The following SDCCAG8 variants were observed in gnomAD, a reference collection of about 807,000 sequenced individuals.
SDCCAG8 encodes the protein SHH signaling and ciliogenesis regulator SDCCAG8.
A neutral mutation model predicts 101.8 loss-of-function variants in SDCCAG8; 74 were observed. The ratio of observed to expected loss-of-function variants is 0.73; its 90% CI spans 0.60 to 0.88. The LOEUF (loss-of-function observed/expected upper bound fraction) is 0.88, where lower values mean the gene tolerates loss of function less well. Among genes scored for constraint, SDCCAG8 ranks in the 40% least tolerant of loss-of-function variants. The pLI, the probability that SDCCAG8 is intolerant of heterozygous loss-of-function variation, is 0.00. For synonymous variants in SDCCAG8, 281 were observed against 292.9 expected (o/e 0.96, Z 0.41); for missense variants, 787 against 822.6 (o/e 0.96, Z 0.53).
intron 16 of SDCCAG8, among the ~76,000 whole-genome samples, chr1:243,485,986 G>A (rs187394384): frequency 7.2e-5 from 11 of 151,968 alleles, no homozygotes; most frequent in African/African-American, 2.2e-4. Context: ...ATCACTTGAG[G>A]TCAGGAGTTT....
intron 12 of SDCCAG8, among the ~76,000 whole-genome samples, chr1:243,371,332 C>T (rs1044909885): frequency 1.3e-5 from 2 of 152,054 alleles, no homozygotes; most frequent in African/African-American, 4.8e-5. Flanking sequence ...AGACTAACTC[C>T]GTTTTGAATC....
chr1:243,260,667 C>G (rs998602050), intron 1 of SDCCAG8, among the ~76,000 whole-genome samples: 3 of 152,194 alleles, frequency 2.0e-5, no homozygotes, highest in Non-Finnish European at 4.4e-5. Flanking sequence ...TTATCAACAA[C>G]ACCTGTATAC....
chr1:243,287,504 A>G (rs2069747516), intron 5 of SDCCAG8, among the ~76,000 whole-genome samples: 1 of 151,898 alleles, frequency 6.6e-6, no homozygotes, highest in Non-Finnish European at 1.5e-5. Flanking sequence ...ATAGGAGTGT[A>G]TTAACTCTGA....
At chr1:243,484,237 T>C (rs1258701333) in intron 16 of SDCCAG8, among the ~76,000 whole-genome samples, 1 of 152,262 alleles carries the variant, frequency 6.6e-6, no homozygotes, top group Admixed American at 6.5e-5. Context: ...CGCCTTCCTC[T>C]GAGCAGCCTG....
chr1:243,387,791 C>T (rs1378389420), intron 13 of SDCCAG8, among the ~76,000 whole-genome samples: 2 of 152,296 alleles, frequency 1.3e-5, no homozygotes, highest in Admixed American at 1.3e-4. Flanking sequence ...TCTTGGCTCA[C>T]TACAACCTCT....
At chr1:243,378,347 G>C (rs2077725261) in intron 12 of SDCCAG8, among the ~76,000 whole-genome samples, 1 of 151,872 alleles carries the variant, frequency 6.6e-6, no homozygotes, top group Admixed American at 6.6e-5. Flanking sequence ...GTACATACTT[G>C]ATGTAAATCA....
At chr1:243,267,470 C>G (rs2067713166) in intron 1 of SDCCAG8, 15 of 336,082 alleles carry the variant, frequency 4.5e-5, no homozygotes, top group South Asian at 3.7e-4. Flanking sequence ...GGCGTGGTGA[C>G]AGGTACCTGT....
chr1:243,345,016 G>A lies in SDCCAG8; in HGVS notation c.1473+685G>A, dbSNP rs1157353701. On this transcript the variant is annotated intron_variant, in intron 12 of 17. Coordinates refer to ENST00000366541, the MANE Select transcript of SDCCAG8 (RefSeq NM_006642.5). ...TTTTTATGTTACAGTACAGGACCTTGAAGGTTTTCATTCTTTGTATTCAAT... is the reference window on the plus strand; with the variant it reads ...TTTTTATGTTACAGTACAGGACCTTAAAGGTTTTCATTCTTTGTATTCAAT... Among the ~76,000 whole-genome samples the A allele has an allele frequency of 2.6e-5, 4 of 152,252 alleles. No homozygotes were observed. The South Asian group carries it at 8.3e-4, about 32-fold the overall frequency.
At chr1:243,308,308 T>A in intron 8 of SDCCAG8, 131 bp downstream of exon 8, 2 of 1,075,250 alleles carry the variant, frequency 1.9e-6, no homozygotes, top group Non-Finnish European at 2.8e-6. Context: ...CAGTGGATTT[T>A]AAAAGGTTCC....
At chr1:243,281,650 C>CT (rs35028868) in intron 4 of SDCCAG8, among the ~76,000 whole-genome samples, 50,655 of 113,706 alleles carry the variant, frequency 0.45, 13,409 homozygotes, top group East Asian at 0.74. Flanking sequence ...CCTTCTCTGG[C>CT]TTTTTTTTTT....
chr1:243,465,102 GAC>G (rs951128444), intron 16 of SDCCAG8, among the ~76,000 whole-genome samples: 1 of 152,194 alleles, frequency 6.6e-6, no homozygotes, highest in Admixed American at 6.5e-5. Flanking sequence ...ACTAAAGTGT[GAC>G]AGTTTATTCT....
At chr1:243,325,060 G>C (rs2149342481) in intron 9 of SDCCAG8, among the ~76,000 whole-genome samples, 2 of 152,252 alleles carry the variant, frequency 1.3e-5, no homozygotes, top group African/African-American at 4.8e-5. Context: ...TGTTGATGTG[G>C]TGTATAATTT....
chr1:243,430,225 A>G (rs2081632980), intron 16 of SDCCAG8, among the ~76,000 whole-genome samples: 1 of 152,156 alleles, frequency 6.6e-6, no homozygotes, highest in Non-Finnish European at 1.5e-5. Context: ...TTGGCAAACT[A>G]TCTGGCCCTC....
intron 16 of SDCCAG8, among the ~76,000 whole-genome samples, chr1:243,457,046 G>A (rs2083816625): frequency 2.0e-5 from 3 of 152,088 alleles, no homozygotes; most frequent in Non-Finnish European, 2.9e-5. Context: ...GAAAATGGGC[G>A]GAAGACTCGT....
At chr1:243,441,836 G>T (rs1209438432) in intron 16 of SDCCAG8, among the ~76,000 whole-genome samples, 2 of 152,172 alleles carry the variant, frequency 1.3e-5, no homozygotes, top group East Asian at 3.9e-4. Flanking sequence ...GTTATAGAAA[G>T]AAATGTCTTA....
chr1:243,379,401 G>A (rs2077800847), intron 13 of SDCCAG8, among the ~76,000 whole-genome samples: 1 of 152,094 alleles, frequency 6.6e-6, no homozygotes, highest in Non-Finnish European at 1.5e-5. Flanking sequence ...CACCATTGAG[G>A]TTTCAAATTA....
At chr1:243,456,760 G>A (rs1467555154) in intron 16 of SDCCAG8, among the ~76,000 whole-genome samples, 1 of 151,948 alleles carries the variant, frequency 6.6e-6, no homozygotes, top group East Asian at 1.9e-4. Flanking sequence ...TTATCTCTTC[G>A]TTCTTGTGCT....
chr1:243,390,651 T>A (rs2078645580), intron 13 of SDCCAG8, among the ~76,000 whole-genome samples: 1 of 152,220 alleles, frequency 6.6e-6, no homozygotes, highest in Non-Finnish European at 1.5e-5. Context: ...TCATCTCCCC[T>A]GCCACATAGG....
chr1:243,369,422 T>A (rs1201286995), intron 12 of SDCCAG8, among the ~76,000 whole-genome samples: 2 of 152,168 alleles, frequency 1.3e-5, no homozygotes, highest in Non-Finnish European at 2.9e-5. Flanking sequence ...AGGCATTCAC[T>A]CATTGAGTTG....
Sources: allele counts gnomAD v4.1 joint callset (sites outside exome capture counted in the v4.1 genomes callset), GRCh38; gene constraint gnomAD v4.1.1; transcripts MANE v1.5; gene names NCBI Gene and HGNC (gene_info 2026-07-23, HGNC 2026-07-21).